The following MACROD2 variants were observed in gnomAD, a reference collection of about 807,000 sequenced individuals.
The protein encoded by MACROD2 is mono-ADP ribosylhydrolase 2.
A neutral mutation model predicts 70.4 loss-of-function variants in MACROD2; 36 were observed. That is an observed-to-expected ratio of 0.51 (90% CI 0.39 to 0.68). The LOEUF is 0.68. Among genes scored for constraint, MACROD2 ranks in the 30% least tolerant of loss-of-function variants. The pLI is 0.00. For missense variants in MACROD2, 496 were observed against 538.4 expected (o/e 0.92, Z 0.78); for synonymous variants, 172 against 178.8 (o/e 0.96, Z 0.30).
intron 4 of MACROD2, among the ~76,000 whole-genome samples, chr20:14,601,033 C>G (rs1382542531): frequency 6.6e-6 from 1 of 152,096 alleles, no homozygotes; most frequent in African/African-American, 2.4e-5. Context: ...TCTTACCACC[C>G]TGAATCCCGG....
At chr20:14,333,588 T>C (rs2082882140) in intron 3 of MACROD2, among the ~76,000 whole-genome samples, 2 of 152,192 alleles carry the variant, frequency 1.3e-5, no homozygotes, top group Non-Finnish European at 1.5e-5. Flanking sequence ...TGCCTACTTT[T>C]GTTAAACCAC....
intron 8 of MACROD2, among the ~76,000 whole-genome samples, chr20:15,856,914 T>C (rs1298955875): frequency 6.6e-6 from 1 of 152,120 alleles, no homozygotes; most frequent in East Asian, 1.9e-4. Flanking sequence ...CCAACAAAAG[T>C]TCATCGAAAA....
chr20:16,052,809 AAGTT>A lies in MACROD2; in HGVS notation c.*2936_*2939del, dbSNP rs1350846638. 2.6e-5 allele frequency: 4 copies of A among 152,606 alleles called. No homozygotes were observed. Among genetic ancestry groups the A allele is most frequent in the Non-Finnish European group, 5.9e-5 (4 of 68,036 alleles). The allele number at this position is 152,606 out of a possible 1,614,324, so 9.5% of individuals were successfully genotyped here. On this transcript the variant is annotated 3_prime_UTR_variant, in exon 18 of 18. Coordinates refer to ENST00000684519, the MANE Select transcript of MACROD2 (RefSeq NM_001351661.2). ...GTCGGCTTTGCTTTGAAAAATAACA[AAGTT>A]AGCAGAATATGTTCAATATATTTTC...
chr20:14,259,434 T>C (rs543710474), intron 3 of MACROD2, among the ~76,000 whole-genome samples: 2 of 152,342 alleles, frequency 1.3e-5, no homozygotes, highest in East Asian at 3.9e-4. Flanking sequence ...CTTTGGGAGC[T>C]ATTTTGCTTT....
chr20:14,051,084 A>G (rs2148648723), intron 2 of MACROD2, among the ~76,000 whole-genome samples: 1 of 152,366 alleles, frequency 6.6e-6, no homozygotes, highest in Non-Finnish European at 1.5e-5. Flanking sequence ...TTGTGAGAAC[A>G]GTATGCATAG....
At chr20:14,177,917 G>A (rs888272144) in intron 3 of MACROD2, among the ~76,000 whole-genome samples, 1 of 152,022 alleles carries the variant, frequency 6.6e-6, no homozygotes, top group Admixed American at 6.6e-5. Context: ...AAATAAAAGT[G>A]CATTTTTCTT....
intron 6 of MACROD2, among the ~76,000 whole-genome samples, chr20:15,350,964 C>G (rs753551599): frequency 2.6e-5 from 4 of 152,144 alleles, no homozygotes; most frequent in African/African-American, 7.2e-5. Flanking sequence ...AAAACCTCAT[C>G]TGTAACATGA....
At chr20:15,052,486 A>G (rs2075450009) in intron 5 of MACROD2, among the ~76,000 whole-genome samples, 2 of 152,090 alleles carry the variant, frequency 1.3e-5, no homozygotes, top group South Asian at 4.1e-4. Context: ...TGTTATTCTT[A>G]TCTATTTTAT....
At chr20:15,331,684 T>C (rs1298153199) in intron 6 of MACROD2, among the ~76,000 whole-genome samples, 2 of 151,712 alleles carry the variant, frequency 1.3e-5, no homozygotes, top group Non-Finnish European at 2.9e-5. Flanking sequence ...TCTTCTCTTC[T>C]CTTGCAAAAC....
At chr20:15,292,052 G>A (rs569497611) in intron 6 of MACROD2, among the ~76,000 whole-genome samples, 2 of 151,892 alleles carry the variant, frequency 1.3e-5, no homozygotes, top group East Asian at 3.9e-4. Context: ...TTTGTTTTTT[G>A]TTTTTAGAGA....
intron 4 of MACROD2, among the ~76,000 whole-genome samples, chr20:14,638,272 A>G (rs1205945327): frequency 6.6e-6 from 1 of 152,196 alleles, no homozygotes; most frequent in Admixed American, 6.5e-5. Context: ...TCATACTTAC[A>G]AAAGATACTG....
At chr20:15,533,668 T>G (rs2047836124) in intron 8 of MACROD2, among the ~76,000 whole-genome samples, 1 of 152,066 alleles carries the variant, frequency 6.6e-6, no homozygotes, top group Non-Finnish European at 1.5e-5. Context: ...ATCCTGTAGG[T>G]ACTTTGCAGG....
chr20:15,556,158 A>T (rs2048166694), intron 8 of MACROD2, among the ~76,000 whole-genome samples: 1 of 152,198 alleles, frequency 6.6e-6, no homozygotes, highest in South Asian at 2.1e-4. Flanking sequence ...GCATGTCACA[A>T]AAACAGCCAT....
intron 8 of MACROD2, among the ~76,000 whole-genome samples, chr20:15,682,281 G>T (rs949777326): frequency 6.6e-6 from 1 of 152,122 alleles, no homozygotes; most frequent in African/African-American, 2.4e-5. Context: ...GATTTAATAG[G>T]AAAGATTTTT....
Position 14,411,916 on chromosome 20 carries a change from G to A in MACROD2, c.272-81563G>A, listed in dbSNP as rs141504689. ...CACCACTCTCTTAAAACCAGTGGAA[G>A]ACGGAATTTTCTATTATTTTATTAT... On this transcript the variant is annotated intron_variant, in intron 3 of 17. Coordinates refer to ENST00000684519, the MANE Select transcript of MACROD2 (RefSeq NM_001351661.2). 5.4e-3 allele frequency among the ~76,000 whole-genome samples: 820 copies of A among 152,206 alleles called. 3 individuals are homozygous for A. Among genetic ancestry groups the A allele is most frequent in the African/African-American group, 0.018 (757 of 41,550 alleles).
At chr20:15,359,601 A>G (rs1325324775) in intron 6 of MACROD2, among the ~76,000 whole-genome samples, 1 of 151,790 alleles carries the variant, frequency 6.6e-6, no homozygotes. Context: ...ATTTTAGGTC[A>G]AGTTATAGTT....
At chr20:14,626,904 A>G (rs141769151) in intron 4 of MACROD2, 5 of 152,362 alleles carry the variant, frequency 3.3e-5, no homozygotes, top group South Asian at 2.1e-4. Flanking sequence ...GTTATATACC[A>G]GCAAACAACC....
chr20:14,303,971 T>C (rs2082498059), intron 3 of MACROD2, among the ~76,000 whole-genome samples: 1 of 152,232 alleles, frequency 6.6e-6, no homozygotes, highest in African/African-American at 2.4e-5. Context: ...CTCTTAGCTC[T>C]ACAAGTCTAG....
intron 5 of MACROD2, among the ~76,000 whole-genome samples, chr20:15,050,670 T>C (rs2075432735): frequency 6.7e-6 from 1 of 149,320 alleles, no homozygotes; most frequent in Non-Finnish European, 1.5e-5. Flanking sequence ...ATGACCTAAA[T>C]GACATGAGAG....
Sources: allele counts gnomAD v4.1 joint callset (sites outside exome capture counted in the v4.1 genomes callset), GRCh38; gene constraint gnomAD v4.1.1; transcripts MANE v1.5; gene names NCBI Gene and HGNC (gene_info 2026-07-23, HGNC 2026-07-21).